Variants in ITPRID2 observed in about 807,000 individuals in gnomAD.
ITPRID2 encodes the protein ITPR interacting domain containing 2.
ITPRID2 carries 60 observed loss-of-function variants against 124.3 expected under a neutral mutation model. The observed-to-expected ratio is 0.48, with a 90% CI of 0.39 to 0.60. The LOEUF (loss-of-function observed/expected upper bound fraction) is 0.60. ITPRID2 is among the 20% of genes least tolerant of loss of function. The pLI, the probability that ITPRID2 is intolerant of heterozygous loss-of-function variation, is 0.00. For synonymous variants in ITPRID2, 521 were observed against 542.9 expected, an observed-to-expected ratio of 0.96 and a Z score of 0.56; for missense variants, 1,553 against 1,512.2, an observed-to-expected ratio of 1.03 and a Z score of -0.45.
Position 181,918,785 on chromosome 2 carries a change from C to T in ITPRID2, c.2896C>T (p.Arg966Trp), listed in dbSNP as rs752154044. 37 of 1,613,974 alleles carry T rather than the reference C, an allele frequency of 2.3e-5. 1 individual carries two copies. Among genetic ancestry groups the T allele is most frequent in the Admixed American group, 1.8e-4 (11 of 60,002 alleles). Residue 966 changes from arginine to tryptophan, a missense_variant, in exon 13 of 18, where the codon CGG becomes TGG. By Grantham distance (101) the Arg-to-Trp change is moderately radical. Coordinates refer to ENST00000431877, the MANE Select transcript of ITPRID2 (RefSeq NM_001130445.3). ...NTFQELQVMR[R>W]SLNLFRTQMM... is the part of the protein sequence containing the mutation. Reference sequence around the variant, plus strand: ...TTTTCAGGAGCTCCAGGTAATGAGGCGGAGCCTGAATTTGTTTAGAACACA... The same window carrying T: ...TTTTCAGGAGCTCCAGGTAATGAGGTGGAGCCTGAATTTGTTTAGAACACA...
intron 16 of ITPRID2, among the ~76,000 whole-genome samples, chr2:181,925,132 A>G (rs1484648718): frequency 3.3e-5 from 5 of 152,156 alleles, no homozygotes; most frequent in Admixed American, 2.6e-4. Context: ...TGTTTTACCC[A>G]TGTATTTTGG....
intron 2 of ITPRID2, among the ~76,000 whole-genome samples, chr2:181,895,462 G>T (rs193117186): frequency 1.8e-4 from 28 of 152,070 alleles, no homozygotes; most frequent in African/African-American, 6.5e-4. Context: ...AAAACAAAGC[G>T]AATCTCAAGC....
Position 181,916,386 on chromosome 2 carries a change from G to T in ITPRID2, c.2746G>T (p.Val916Leu), listed in dbSNP as rs778653590. The T allele has an allele frequency of 7.4e-6, 12 of 1,614,068 alleles. No homozygotes were observed. Among genetic ancestry groups the T allele is most frequent in the Non-Finnish European group, 8.5e-7 (1 of 1,180,022 alleles). ...PSAIEMQLRR[V>L]LHDIRNSLQN... ...AGCCATAGAAATGCAGTTGCGAAGA[G>T]TATTACATGATATTAGAAACTCACT... The change falls in exon 11 of 18, where the codon GTA becomes TTA. Residue 916 changes from valine to leucine, a missense_variant. Physicochemically the swap from Val to Leu is conservative, Grantham distance 32 (BLOSUM62 1). Coordinates refer to ENST00000431877, the MANE Select transcript of ITPRID2 (RefSeq NM_001130445.3).
At chr2:181,924,045 G>T (rs568085505) in intron 16 of ITPRID2, among the ~76,000 whole-genome samples, 43 of 152,276 alleles carry the variant, frequency 2.8e-4, no homozygotes, top group African/African-American at 9.4e-4. Flanking sequence ...AATGTTCAAA[G>T]AATTTTTCAG....
chr2:181,916,531 T>C, intron 11 of ITPRID2, 104 bp downstream of exon 11: 1 of 1,366,322 alleles, frequency 7.3e-7, no homozygotes, highest in South Asian at 1.4e-5. Context: ...CTACCTCAGC[T>C]TTATTTTCTG....
At chr2:181,921,898 A>C in intron 15 of ITPRID2, 50 bp from the exon 16 acceptor site, 1 of 1,518,830 alleles carries the variant, frequency 6.6e-7, no homozygotes, top group Non-Finnish European at 8.9e-7. Flanking sequence ...CTTTTTAGCT[A>C]CCAATCTTAA....
At chr2:181,918,368 C>T in intron 11 of ITPRID2, 1 of 1,288,656 alleles carries the variant, frequency 7.8e-7, no homozygotes, top group Non-Finnish European at 9.8e-7. Flanking sequence ...GAACTATGTT[C>T]CTTCGCCTCC....
At position 181,915,945 on chromosome 2, in the gene ITPRID2, C is replaced by T; in HGVS notation, c.2305C>T (p.Pro769Ser). ...SPGKETRCSP[P>S]SFTYKYTPEE... is the part of the protein sequence containing the mutation. ...AGGAAAAGAGACCAGATGCAGCCCACCTTCCTTCACCTATAAGTACACACC... is the reference window on the plus strand; with the variant it reads ...AGGAAAAGAGACCAGATGCAGCCCATCTTCCTTCACCTATAAGTACACACC... Residue 769 changes from proline (P) to serine (S), a missense_variant, in exon 11 of 18, where the codon CCT becomes TCT. By Grantham distance (74) the Pro-to-Ser change is moderately conservative. Transcript: ENST00000431877. 1 of 1,614,210 alleles carries T rather than the reference C, an allele frequency of 6.2e-7. No individual in the cohort carries two copies. Among genetic ancestry groups the T allele is most frequent in the Non-Finnish European group, 8.5e-7 (1 of 1,180,048 alleles).
intron 4 of ITPRID2, 22 bp from the exon 5 acceptor site, chr2:181,898,858 C>T (rs368038528): frequency 1.3e-4 from 209 of 1,570,702 alleles, no homozygotes; most frequent in Non-Finnish European, 1.7e-4. Flanking sequence ...TTGTGCTCTA[C>T]GTTTATTGTT....
At chr2:181,897,948 T>A (rs1180206234) in intron 4 of ITPRID2, among the ~76,000 whole-genome samples, 1 of 152,046 alleles carries the variant, frequency 6.6e-6, no homozygotes, top group Non-Finnish European at 1.5e-5. Flanking sequence ...CTCAGTACAA[T>A]TGAACATGTT....
At chr2:181,912,897 C>T (rs578192566) in intron 9 of ITPRID2, among the ~76,000 whole-genome samples, 3 of 152,158 alleles carry the variant, frequency 2.0e-5, no homozygotes, top group Non-Finnish European at 4.4e-5. Flanking sequence ...ATAAGATTAA[C>T]AATATTATGT....
At chr2:181,898,462 T>C (rs1207977060) in intron 4 of ITPRID2, among the ~76,000 whole-genome samples, 1 of 152,062 alleles carries the variant, frequency 6.6e-6, no homozygotes, top group African/African-American at 2.4e-5. Context: ...AACTGACATA[T>C]ACTATTGCCA....
In ITPRID2 at chr2:181,916,380, C is replaced by T. The variant is rs1484586493; in HGVS notation, c.2740C>T (p.Arg914Ter). The T allele has an allele frequency of 2.5e-6, 4 of 1,614,134 alleles. No individual in the cohort carries two copies. Among genetic ancestry groups the T allele is most frequent in the South Asian group, 1.1e-5 (1 of 91,084 alleles). ...TCCTTCAGCCATAGAAATGCAGTTG[C>T]GAAGAGTATTACATGATATTAGAAA... is the stretch of plus-strand genomic sequence containing the variant. ...NPPSAIEMQLRRVLHDIRNSL... is the reference protein window; with the variant it reads ...NPPSAIEMQL Residue 914 changes from arginine to a stop codon, truncating the protein, a stop_gained, in exon 11 of 18, where the codon CGA becomes TGA. Transcript: ENST00000431877. LOFTEE classifies it high-confidence loss of function.
intron 16 of ITPRID2, among the ~76,000 whole-genome samples, chr2:181,927,354 G>A (rs951352689): frequency 6.6e-6 from 1 of 152,110 alleles, no homozygotes; most frequent in Non-Finnish European, 1.5e-5. Flanking sequence ...TTCACAAAGG[G>A]CTATTTAAAA....
rs1691807258 is a variant in ITPRID2, at chr2:181,892,429, A to G, written c.211+152A>G. ...TCCGACCTTCAAACGCGCGCGCTGA[A>G]CGAGGCGCCCCCAGCGTCAACACAG... On this transcript the variant is annotated intron_variant, in intron 1 of 17. Transcript: ENST00000431877. This position sits in a 1 kb window ranked among gnomAD's most constrained non-coding sequence, Gnocchi z 5.2. 8.8e-7 allele frequency: 1 copy of G among 1,137,704 alleles called. No homozygotes were observed. Among genetic ancestry groups the G allele is most frequent in the Non-Finnish European group, 1.2e-6 (1 of 804,082 alleles). The allele number at this position is 1,137,704 out of a possible 1,614,324, so 70.5% of individuals were successfully genotyped here. A position where few individuals can be genotyped will look rare whatever the true frequency, so the allele number is the denominator to read the frequency against.
In ITPRID2 at chr2:181,905,122, T is replaced by C. The variant is rs1693004326; in HGVS notation, c.1413+2656T>C. Among the ~76,000 whole-genome samples, 1 of 151,418 alleles carries C rather than the reference T, an allele frequency of 6.6e-6. No individual in the cohort carries two copies. The highest frequency in any genetic ancestry group is 2.4e-5 in the African/African-American group (1 of 41,096). On this transcript the variant is annotated intron_variant, in intron 8 of 17. Transcript: ENST00000431877. The surrounding 1 kb of genome is among the most constrained non-coding windows in gnomAD (Gnocchi z 4.1). ...GGGAGTGCAGTGGTGCAATCTTGGC[T>C]AACTGCAACGTCTGCCTCCTGGGTT...
intron 9 of ITPRID2, among the ~76,000 whole-genome samples, chr2:181,912,841 A>G (rs1693710568): frequency 6.6e-6 from 1 of 152,212 alleles, no homozygotes; most frequent in Non-Finnish European, 1.5e-5. Flanking sequence ...GATCATACTA[A>G]CCAGGAATTA....
At chr2:181,901,539 T>C (rs1692667938) in intron 7 of ITPRID2, among the ~76,000 whole-genome samples, 1 of 152,204 alleles carries the variant, frequency 6.6e-6, no homozygotes, top group Admixed American at 6.6e-5. Context: ...TGTGCTTATT[T>C]CTGATTTTTT....
In ITPRID2 at chr2:181,918,812, A is replaced by G. The variant is rs1471686097; in HGVS notation, c.2923A>G (p.Met975Val). The change falls in exon 13 of 18, where the codon ATG becomes GTG. Residue 975 changes from methionine to valine, a missense_variant. Coordinates refer to ENST00000431877, the MANE Select transcript of ITPRID2 (RefSeq NM_001130445.3). ...RRSLNLFRTQ[M>V]MDLELAMLRQ... ...GAGCCTGAATTTGTTTAGAACACAA[A>G]TGATGGATTTAGAATTGGCAATGCT... 1.2e-6 allele frequency: 2 copies of G among 1,614,096 alleles called. No individual in the cohort carries two copies. Among genetic ancestry groups the G allele is most frequent in the Non-Finnish European group, 1.7e-6 (2 of 1,180,034 alleles).
Sources: allele counts gnomAD v4.1 joint callset (sites outside exome capture counted in the v4.1 genomes callset), GRCh38; gene constraint gnomAD v4.1.1; non-coding constraint Gnocchi (gnomAD v3.1); transcripts MANE v1.5; gene names NCBI Gene and HGNC (gene_info 2026-07-23, HGNC 2026-07-21).